Variants in ITFG1 observed in about 807,000 individuals in gnomAD.
ITFG1 encodes the protein integrin alpha FG-GAP repeat containing 1, also known as T-cell immunomodulatory protein.
A neutral mutation model predicts 81.8 loss-of-function variants in ITFG1; 34 were observed. That is an observed-to-expected ratio of 0.42 (90% CI 0.32 to 0.55). The LOEUF (loss-of-function observed/expected upper bound fraction) is 0.55. Ranked by LOEUF, ITFG1 falls within the 20% of genes least tolerant of loss-of-function variation. The pLI is 0.17. For synonymous variants in ITFG1, 285 were observed against 270.6 expected (o/e 1.05, Z -0.52); for missense variants, 672 against 755.4 (o/e 0.89, Z 1.29).
At chr16:47,202,338 G>A (rs546477677) in intron 14 of ITFG1, 3 of 152,264 alleles carry the variant, frequency 2.0e-5, no homozygotes, top group South Asian at 4.1e-4. Flanking sequence ...AGAATTTAAC[G>A]TCGAAAGAAA....
Position 47,265,544 on chromosome 16 carries a change from AG to A in ITFG1, c.1071-4850del, listed in dbSNP as rs201105702. 4.2e-3 allele frequency among the ~76,000 whole-genome samples: 634 copies of A among 152,302 alleles called. 5 individuals are homozygous for A. Among genetic ancestry groups the A allele is most frequent in the African/African-American group, 0.015 (605 of 41,582 alleles). Reference sequence around the variant, plus strand: ...GAGAAATATAAATATACTATCATAAAGGTTCTGAAACTATACGTGAAGTGCT... The same window carrying A: ...GAGAAATATAAATATACTATCATAAAGTTCTGAAACTATACGTGAAGTGCT... On this transcript the variant is annotated intron_variant, in intron 10 of 17. Transcript: ENST00000320640.
chr16:47,301,473 T>C (rs1209880812), intron 10 of ITFG1, among the ~76,000 whole-genome samples: 1 of 151,742 alleles, frequency 6.6e-6, no homozygotes, highest in East Asian at 1.9e-4. Flanking sequence ...TTCAGCTCAC[T>C]GTAACCTCCG....
intron 6 of ITFG1, among the ~76,000 whole-genome samples, chr16:47,402,564 C>T (rs1968674905): frequency 6.6e-6 from 1 of 152,174 alleles, no homozygotes; most frequent in Non-Finnish European, 1.5e-5. Context: ...CGACCCAGTG[C>T]ACATGGGGGT....
intron 14 of ITFG1, among the ~76,000 whole-genome samples, chr16:47,201,016 A>T (rs1009304200): frequency 6.6e-6 from 1 of 152,184 alleles, no homozygotes; most frequent in African/African-American, 2.4e-5. Flanking sequence ...GGACATCAGG[A>T]TTTTTAAAAA....
At position 47,409,374 on chromosome 16, in the gene ITFG1, CTATATA is replaced by C. The variant is rs1187875461; in HGVS notation, c.655+19424_655+19429del. On this transcript the variant is annotated intron_variant, in intron 6 of 17. Coordinates refer to ENST00000320640, the MANE Select transcript of ITFG1 (RefSeq NM_030790.5). The stretch of plus-strand genomic sequence containing the variant: ...ACATAACAAGACACATACACACACA[CTATATA>C]TATATATATATATATATATATATAT... Among the ~76,000 whole-genome samples the C allele has an allele frequency of 7.5e-3, 158 of 20,988 alleles. 12 individuals carry two copies. Among genetic ancestry groups the C allele is most frequent in the African/African-American group, 0.028 (107 of 3,756 alleles). The allele number at this position is 20,988 out of a possible 152,430, so 13.8% of individuals were successfully genotyped here.
chr16:47,286,092 A>AGGAGATCTGAGAT (rs1966868399), intron 10 of ITFG1, among the ~76,000 whole-genome samples: 1 of 152,124 alleles, frequency 6.6e-6, no homozygotes, highest in African/African-American at 2.4e-5. Flanking sequence ...TTCCCTGGGA[A>AGGAGATCTGAGAT]GGAGATCTGA....
intron 12 of ITFG1, 71 bp downstream of exon 12, chr16:47,258,561 C>T: frequency 1.3e-6 from 1 of 749,078 alleles, no homozygotes; most frequent in Non-Finnish European, 2.3e-6. Context: ...GGAGCATGTC[C>T]TTGCTCTTTG....
At chr16:47,161,598 T>C (rs1964806233) in intron 16 of ITFG1, 152 bp downstream of exon 16, 1 of 483,824 alleles carries the variant, frequency 2.1e-6, no homozygotes, top group South Asian at 4.4e-5. Flanking sequence ...TATGTAAGTA[T>C]GTTTAGTCAT....
intron 8 of ITFG1, among the ~76,000 whole-genome samples, chr16:47,353,098 T>C (rs996917790): frequency 6.6e-6 from 1 of 152,026 alleles, no homozygotes; most frequent in Non-Finnish European, 1.5e-5. Context: ...TTAGTAGATA[T>C]ACCTAATGCT....
chr16:47,258,074 T>C (rs888611868), intron 12 of ITFG1, among the ~76,000 whole-genome samples: 14 of 152,102 alleles, frequency 9.2e-5, no homozygotes, highest in East Asian at 1.9e-4. Context: ...AAAACACTAA[T>C]GAATTACAAA....
intron 6 of ITFG1, among the ~76,000 whole-genome samples, chr16:47,424,019 G>A (rs1375836322): frequency 1.3e-5 from 2 of 149,852 alleles, no homozygotes; most frequent in Non-Finnish European, 3.0e-5. Context: ...ATCCTGAAGA[G>A]TGTTTTCCAA....
intron 8 of ITFG1, among the ~76,000 whole-genome samples, chr16:47,334,489 C>G (rs527533668): frequency 4.8e-4 from 73 of 152,260 alleles, no homozygotes; most frequent in Admixed American, 1.2e-3. Flanking sequence ...AATATAGGAG[C>G]AGTGAACGCC....
intron 13 of ITFG1, among the ~76,000 whole-genome samples, chr16:47,222,483 G>A (rs1284814311): frequency 1.3e-5 from 2 of 149,342 alleles, no homozygotes; most frequent in East Asian, 2.0e-4. Context: ...GCGCGATCTC[G>A]GCTCACTGCA....
At chr16:47,393,364 A>C (rs755106159) in intron 6 of ITFG1, among the ~76,000 whole-genome samples, 2 of 152,136 alleles carry the variant, frequency 1.3e-5, no homozygotes, top group Non-Finnish European at 2.9e-5. Context: ...ACACTATCCA[A>C]GGGGCTATAC....
intron 12 of ITFG1, among the ~76,000 whole-genome samples, chr16:47,254,854 C>A (rs972073748): frequency 6.6e-6 from 1 of 152,070 alleles, no homozygotes; most frequent in South Asian, 2.1e-4. Flanking sequence ...AAGCTTCAGA[C>A]TTGAGAAAAT....
At chr16:47,188,746 T>A (rs1016311641) in intron 14 of ITFG1, among the ~76,000 whole-genome samples, 1 of 151,316 alleles carries the variant, frequency 6.6e-6, no homozygotes, top group African/African-American at 2.4e-5. Context: ...ATTGTGCACA[T>A]GTACCCTAAA....
chr16:47,357,289 A>C (rs1968052243), intron 8 of ITFG1, among the ~76,000 whole-genome samples: 1 of 152,134 alleles, frequency 6.6e-6, no homozygotes, highest in Non-Finnish European at 1.5e-5. Flanking sequence ...GAAAAGGCTG[A>C]GTATACATTC....
At chr16:47,265,117 A>G (rs1966260720) in intron 10 of ITFG1, among the ~76,000 whole-genome samples, 1 of 151,776 alleles carries the variant, frequency 6.6e-6, no homozygotes, top group East Asian at 1.9e-4. Flanking sequence ...TATTATTATT[A>G]TTATTATTAT....
chr16:47,324,422 C>A (rs962640266), intron 8 of ITFG1, among the ~76,000 whole-genome samples: 2 of 152,108 alleles, frequency 1.3e-5, no homozygotes, highest in Admixed American at 6.5e-5. Context: ...GAAGAAACTG[C>A]ATCAACTAAC....
Sources: allele counts gnomAD v4.1 joint callset (sites outside exome capture counted in the v4.1 genomes callset), GRCh38; gene constraint gnomAD v4.1.1; transcripts MANE v1.5; gene names NCBI Gene and HGNC (gene_info 2026-07-23, HGNC 2026-07-21).